The following SGCZ variants were observed in gnomAD, a reference collection of about 807,000 sequenced individuals.
SGCZ encodes sarcoglycan zeta.
Under a neutral mutation model 41.3 loss-of-function variants are expected in SGCZ, and 40 were observed. That is an observed-to-expected ratio of 0.97 (90% confidence interval 0.75 to 1.26). SGCZ has a LOEUF of 1.26. SGCZ is among the 50% of genes most tolerant of loss of function. The pLI, the probability that SGCZ is intolerant of heterozygous loss-of-function variation, is 0.00. For synonymous variants in SGCZ, 206 were observed against 137.5 expected (o/e 1.50, Z -3.49); for missense variants, 552 against 369.8 (o/e 1.49, Z -4.04).
At chr8:15,208,058 AC>A (rs1158912089) in intron 1 of SGCZ, among the ~76,000 whole-genome samples, 2 of 152,228 alleles carry the variant, frequency 1.3e-5, no homozygotes, top group Admixed American at 6.5e-5. Flanking sequence ...TTATGTGTCT[AC>A]TAAATATTAT....
At chr8:14,593,383 C>G (rs532075940) in intron 1 of SGCZ, among the ~76,000 whole-genome samples, 4 of 152,134 alleles carry the variant, frequency 2.6e-5, no homozygotes, top group Non-Finnish European at 5.9e-5. Flanking sequence ...CTCCAGCAGA[C>G]ACAGAACTTC....
intron 1 of SGCZ, among the ~76,000 whole-genome samples, chr8:14,922,326 G>A (rs747278094): frequency 6.6e-6 from 1 of 152,094 alleles, no homozygotes; most frequent in Non-Finnish European, 1.5e-5. Flanking sequence ...CAGTAATACT[G>A]CTTTCAAACT....
At chr8:15,111,293 G>A (rs1429576960) in intron 1 of SGCZ, among the ~76,000 whole-genome samples, 4 of 152,208 alleles carry the variant, frequency 2.6e-5, no homozygotes, top group Middle Eastern at 3.4e-3. Flanking sequence ...AAGGATCAGA[G>A]GCAACTCTCC....
intron 2 of SGCZ, among the ~76,000 whole-genome samples, chr8:14,405,023 G>C (rs1224463873): frequency 1.3e-5 from 2 of 152,178 alleles, no homozygotes; most frequent in African/African-American, 4.8e-5. Flanking sequence ...TGAGGCAGCT[G>C]CCAAACCCTC....
chr8:15,036,965 C>T (rs1340868810), intron 1 of SGCZ, among the ~76,000 whole-genome samples: 1 of 152,098 alleles, frequency 6.6e-6, no homozygotes, highest in Non-Finnish European at 1.5e-5. Flanking sequence ...TATAATCAAA[C>T]ACATTAGCAG....
intron 1 of SGCZ, among the ~76,000 whole-genome samples, chr8:14,985,287 T>C (rs1228598571): frequency 6.6e-6 from 1 of 152,128 alleles, no homozygotes; most frequent in African/African-American, 2.4e-5. Context: ...AATCATAAAA[T>C]GTCACTGAAG....
At chr8:15,148,023 C>G (rs1799082522) in intron 1 of SGCZ, among the ~76,000 whole-genome samples, 1 of 151,444 alleles carries the variant, frequency 6.6e-6, no homozygotes, top group African/African-American at 2.4e-5. Flanking sequence ...TCCAAATTTA[C>G]ATTTTCTCTC....
intron 2 of SGCZ, among the ~76,000 whole-genome samples, chr8:14,391,597 A>G (rs1329495908): frequency 6.6e-6 from 1 of 152,146 alleles, no homozygotes; most frequent in Non-Finnish European, 1.5e-5. Context: ...CAGTTAGGAA[A>G]TCAGCCCAGT....
At position 14,680,925 on chromosome 8, in the gene SGCZ, T is replaced by C. The variant is rs1303477702; in HGVS notation, c.40-125999A>G. 4.4e-5 allele frequency among the ~76,000 whole-genome samples: 5 copies of C among 114,230 alleles called. No individual in the cohort carries two copies. In the East Asian group the frequency reaches 9.9e-4, roughly 23 times the overall value. The allele number at this position is 114,230 out of a possible 152,430, so 74.9% of individuals were successfully genotyped here. ...TAGTGAACTTGAAAATATGGCAACT[T>C]GAAGAATCCAAATGAAACATACAGA... On this transcript the variant is annotated intron_variant, in intron 1 of 7. Coordinates refer to ENST00000382080, the MANE Select transcript of SGCZ (RefSeq NM_139167.4).
At chr8:14,873,534 C>A (rs1478536342) in intron 1 of SGCZ, among the ~76,000 whole-genome samples, 1 of 152,026 alleles carries the variant, frequency 6.6e-6, no homozygotes, top group Admixed American at 6.6e-5. Context: ...AGATGTCAAT[C>A]ACTTGAGATC....
At position 14,534,908 on chromosome 8, in the gene SGCZ, T is replaced by C. The variant is rs540893154; in HGVS notation, c.234+19824A>G. On this transcript the variant is annotated intron_variant, in intron 2 of 7. Coordinates refer to ENST00000382080, the MANE Select transcript of SGCZ (RefSeq NM_139167.4). ...AAGGGAAAGAATGTAGTTTCTCAGATCAACATTACTGTTCTTAGATATTTC... is the reference window on the plus strand; with the variant it reads ...AAGGGAAAGAATGTAGTTTCTCAGACCAACATTACTGTTCTTAGATATTTC... 2.0e-5 allele frequency among the ~76,000 whole-genome samples: 3 copies of C among 152,016 alleles called. No individual in the cohort carries two copies. In the South Asian group the frequency reaches 6.2e-4, roughly 31 times the overall value.
At chr8:14,837,497 C>T (rs981774408) in intron 1 of SGCZ, among the ~76,000 whole-genome samples, 2 of 152,064 alleles carry the variant, frequency 1.3e-5, no homozygotes, top group Non-Finnish European at 2.9e-5. Context: ...ACTACATTTC[C>T]CAACTCCCGT....
Position 14,090,639 on chromosome 8 carries a change from T to C in SGCZ, c.745-2A>G. 6.2e-7 allele frequency: 1 copy of C among 1,607,122 alleles called. No homozygotes were observed. Among genetic ancestry groups the C allele is most frequent in the Non-Finnish European group, 8.5e-7 (1 of 1,177,774 alleles). On this transcript the variant is annotated splice_acceptor_variant, in intron 7 of 7. Coordinates refer to ENST00000382080, the MANE Select transcript of SGCZ (RefSeq NM_139167.4). LOFTEE classifies it high-confidence loss of function. Reference sequence around the variant, plus strand: ...GATTGTCTCTGCATTTAAAAATATCTATGGGAAAAAAGAAATTGCATTTTA... The same window carrying C: ...GATTGTCTCTGCATTTAAAAATATCCATGGGAAAAAAGAAATTGCATTTTA...
At chr8:14,255,814 T>C (rs896134787) in intron 3 of SGCZ, among the ~76,000 whole-genome samples, 1 of 152,048 alleles carries the variant, frequency 6.6e-6, no homozygotes, top group African/African-American at 2.4e-5. Flanking sequence ...CATAAAAATG[T>C]TACTTAATTA....
intron 4 of SGCZ, among the ~76,000 whole-genome samples, chr8:14,180,397 C>T (rs1804683958): frequency 6.6e-6 from 1 of 152,096 alleles, no homozygotes; most frequent in East Asian, 1.9e-4. Context: ...AGTGGAGCCA[C>T]CTACCAGGCC....
intron 1 of SGCZ, among the ~76,000 whole-genome samples, chr8:14,957,954 A>C (rs543014514): frequency 6.6e-6 from 1 of 152,090 alleles, no homozygotes; most frequent in African/African-American, 2.4e-5. Context: ...AAGAGTGTGA[A>C]ATAAATTTAC....
chr8:14,225,336 G>C (rs1326430368), intron 4 of SGCZ, among the ~76,000 whole-genome samples: 2 of 151,932 alleles, frequency 1.3e-5, no homozygotes, highest in African/African-American at 2.4e-5. Flanking sequence ...GGTTTTGAAG[G>C]TAAGCTGATT....
intron 2 of SGCZ, among the ~76,000 whole-genome samples, chr8:14,465,235 T>C (rs1563347334): frequency 6.6e-6 from 1 of 151,488 alleles, no homozygotes; most frequent in Non-Finnish European, 1.5e-5. Context: ...GCCTCATATG[T>C]TTTGATGTTC....
chr8:14,334,037 G>A (rs1802426692), intron 2 of SGCZ, among the ~76,000 whole-genome samples: 2 of 151,976 alleles, frequency 1.3e-5, no homozygotes, highest in Non-Finnish European at 2.9e-5. Flanking sequence ...AGCCAGGGAG[G>A]TAATCCTGAA....
Sources: gnomAD v4.1 joint callset for allele counts (sites outside exome capture counted in the v4.1 genomes callset) on GRCh38, gnomAD v4.1.1 for gene constraint, MANE v1.5 for transcripts, NCBI Gene and HGNC (gene_info 2026-07-23, HGNC 2026-07-21) for gene names.